Variants in SH3YL1 observed in about 807,000 individuals in gnomAD.
SH3YL1 encodes SH3 domain-containing YSC84-like protein 1.
SH3YL1 carries 41 observed loss-of-function variants against 45.8 expected under a neutral mutation model. That is an observed-to-expected ratio of 0.89 (90% confidence interval 0.70 to 1.16). The LOEUF is 1.16. Ranked by LOEUF, SH3YL1 falls within the 50% of genes most tolerant of loss-of-function variation. The probability of loss-of-function intolerance (pLI) is 0.00; values close to 1 mark genes in which losing one functional copy is unlikely to be tolerated. For missense variants in SH3YL1, 389 were observed against 409.6 expected (o/e 0.95, Z 0.43); for synonymous variants, 152 against 151.4 (o/e 1.00, Z -0.03).
chr2:231,224 A>ATTT, intron 6 of SH3YL1, 33 bp from the exon 7 acceptor site: 1 of 1,496,160 alleles, frequency 6.7e-7, no homozygotes, highest in African/African-American at 1.4e-5. Flanking sequence ...AAACATTTTA[A>ATTT]TATACACAAA....
intron 5 of SH3YL1, 32 bp downstream of exon 5, chr2:234,128 T>C (rs1356395536): frequency 5.5e-6 from 8 of 1,463,056 alleles, no homozygotes; most frequent in Non-Finnish European, 6.6e-6. Context: ...TTGTTAAACC[T>C]TTACTGTCTA....
chr2:222,551 G>A (rs1667623245), intron 9 of SH3YL1: 1 of 152,272 alleles, frequency 6.6e-6, no homozygotes, highest in Admixed American at 6.5e-5. Flanking sequence ...ACTATGGGAT[G>A]GGTAAGAGGA....
upstream of SH3YL1, chr2:264,144 A>C: frequency 9.2e-7 from 1 of 1,089,962 alleles, no homozygotes; most frequent in Non-Finnish European, 1.2e-6. Flanking sequence ...CGCGGGACAA[A>C]AACCACGCGC....
intron 5 of SH3YL1, 42 bp from the exon 6 acceptor site, chr2:233,271 T>C (rs780967460): frequency 1.3e-6 from 2 of 1,488,728 alleles, no homozygotes; most frequent in Non-Finnish European, 1.8e-6. Flanking sequence ...TGTGAGCAGC[T>C]CCAAGCCGAG....
intron 1 of SH3YL1, among the ~76,000 whole-genome samples, chr2:258,053 T>C (rs1201593077): frequency 6.6e-6 from 1 of 152,366 alleles, no homozygotes; most frequent in South Asian, 2.1e-4. Context: ...TTCATTACTG[T>C]AGCTTTGTAG....
At chr2:229,359 A>G (rs905325481) in intron 8 of SH3YL1, among the ~76,000 whole-genome samples, 9 of 152,240 alleles carry the variant, frequency 5.9e-5, no homozygotes, top group African/African-American at 1.7e-4. Context: ...AATCAGAAGG[A>G]TAACGGTTTT....
chr2:221,217 C>T (rs1667558383), intron 9 of SH3YL1, among the ~76,000 whole-genome samples: 1 of 152,192 alleles, frequency 6.6e-6, no homozygotes, highest in South Asian at 2.1e-4. Flanking sequence ...TTGTGCTCAA[C>T]AGACCAAACT....
rs1462633325 is a variant in SH3YL1 at position 218,923 on chromosome 2, G to C, written c.917C>G (p.Ala306Gly). 3 of 1,614,026 alleles carry C rather than the reference G, an allele frequency of 1.9e-6. No individual in the cohort carries two copies. The highest frequency in any genetic ancestry group is 2.2e-5 in the South Asian group (2 of 91,076). Residue 306 changes from alanine to glycine, a missense_variant, in exon 10 of 10, where the codon GCT becomes GGT. By Grantham distance (60) the Ala-to-Gly change is moderately conservative. Coordinates refer to ENST00000356150, the MANE Select transcript of SH3YL1 (RefSeq NM_015677.4). ...GQQPGDLNFQAGDRITVISKT... is the reference protein window; with the variant it reads ...GQQPGDLNFQGGDRITVISKT... The stretch of plus-strand genomic sequence containing the variant: ...TGATATAACTGTGATTCTGTCTCCA[G>C]CTTGAAAATTCAAATCCCCAGGCTG...
intron 4 of SH3YL1, among the ~76,000 whole-genome samples, chr2:238,981 C>T (rs1668425522): frequency 1.3e-5 from 2 of 152,094 alleles, no homozygotes; most frequent in Non-Finnish European, 2.9e-5. Flanking sequence ...ATAAATTAAC[C>T]CCACGCCGGC....
intron 7 of SH3YL1, 74 bp from the exon 8 acceptor site, chr2:230,118 T>C: frequency 8.5e-7 from 1 of 1,173,742 alleles, no homozygotes; most frequent in Non-Finnish European, 1.2e-6. Context: ...AACTCTTTTC[T>C]AATGAGGTTA....
chr2:225,759 A>G (rs992834808), intron 8 of SH3YL1, among the ~76,000 whole-genome samples: 20 of 152,248 alleles, frequency 1.3e-4, no homozygotes, highest in Non-Finnish European at 2.4e-4. Context: ...TTGGTACTTA[A>G]GTAGAAATAG....
upstream of SH3YL1, chr2:264,180 C>G (rs2103066454): frequency 1.4e-6 from 1 of 697,014 alleles, no homozygotes; most frequent in Non-Finnish European, 2.1e-6. Flanking sequence ...CAGGCCTTCG[C>G]CCTCAGGGAC....
chr2:246,633 G>A (rs528389801), intron 4 of SH3YL1, among the ~76,000 whole-genome samples: 3 of 151,970 alleles, frequency 2.0e-5, no homozygotes, highest in Non-Finnish European at 4.4e-5. Flanking sequence ...GAGGAGGAAG[G>A]GGAGGGAAGC....
intron 1 of SH3YL1, chr2:262,078 T>C (rs1413594587): frequency 1.3e-5 from 2 of 153,846 alleles, no homozygotes; most frequent in East Asian, 1.9e-4. Flanking sequence ...CAAAAGAAAG[T>C]GTATGTATCT....
intron 8 of SH3YL1, among the ~76,000 whole-genome samples, chr2:229,707 C>A (rs1227695730): frequency 8.4e-6 from 1 of 119,270 alleles, no homozygotes; most frequent in Non-Finnish European, 1.6e-5. Flanking sequence ...CCAGCCTGGG[C>A]GACAGAGCGA....
At chr2:249,507 G>C (rs1668980261) in intron 3 of SH3YL1, among the ~76,000 whole-genome samples, 1 of 152,212 alleles carries the variant, frequency 6.6e-6, no homozygotes, top group South Asian at 2.1e-4. Flanking sequence ...ATATCTACCT[G>C]TCTTGTCTTC....
At chr2:254,539 T>A (rs754517448) in intron 1 of SH3YL1, among the ~76,000 whole-genome samples, 3 of 152,158 alleles carry the variant, frequency 2.0e-5, no homozygotes, top group Non-Finnish European at 4.4e-5. Flanking sequence ...TTCCACTGTT[T>A]CGCCTCAGTA....
chr2:247,295 T>A lies in SH3YL1; in HGVS notation c.291+243A>T, dbSNP rs1668861778. Among the ~76,000 whole-genome samples, 3 of 152,088 alleles carry A rather than the reference T, an allele frequency of 2.0e-5. No individual in the cohort carries two copies. The South Asian group carries it at 6.2e-4, about 32-fold the overall frequency. On this transcript the variant is annotated intron_variant, in intron 4 of 9. Transcript: ENST00000356150. The stretch of plus-strand genomic sequence containing the variant: ...GATGTGCCTGTTATACAAATGTGCA[T>A]GAGACAGAAGCAGATAAAATGGCGA...
intron 9 of SH3YL1, 128 bp from the exon 10 acceptor site, chr2:219,129 AAC>A (rs1329636048): frequency 9.9e-6 from 6 of 604,648 alleles, no homozygotes; most frequent in African/African-American, 9.3e-5. Context: ...CAGAAACCAC[AAC>A]AGTCTGTGTA....
Sources: allele counts gnomAD v4.1 joint callset (sites outside exome capture counted in the v4.1 genomes callset), GRCh38; gene constraint gnomAD v4.1.1; transcripts MANE v1.5; gene names NCBI Gene and HGNC (gene_info 2026-07-23, HGNC 2026-07-21).